Variants in TMED3 observed in about 807,000 individuals in gnomAD.
TMED3 encodes transmembrane p24 trafficking protein 3, also known as transmembrane emp24 domain-containing protein 3.
Under a neutral mutation model 15.0 loss-of-function variants are expected in TMED3, and 9 were observed. The observed-to-expected ratio is 0.60, with a 90% CI of 0.36 to 1.04. TMED3 has a LOEUF of 1.04. Among genes scored for constraint, TMED3 ranks in the 50% least tolerant of loss-of-function variants. TMED3 has a pLI of 0.01. For synonymous variants in TMED3, 117 were observed against 121.4 expected (o/e 0.96, Z 0.24); for missense variants, 267 against 278.9 (o/e 0.96, Z 0.30).
At chr15:79,404,646 A>G (rs764453289) in intron 2 of TMED3, among the ~76,000 whole-genome samples, 2 of 152,120 alleles carry the variant, frequency 1.3e-5, no homozygotes, top group East Asian at 3.9e-4. Context: ...TGATCTCCCA[A>G]TCTTACTCCT....
chr15:79,407,338 C>G (rs1170730444), intron 2 of TMED3, among the ~76,000 whole-genome samples: 1 of 152,194 alleles, frequency 6.6e-6, no homozygotes, highest in Non-Finnish European at 1.5e-5. Flanking sequence ...TCCTTGTCAC[C>G]TTTCCCTGCC....
chr15:79,363,503 C>CAAAAAAAAAAAAAAAAAAAAAAA, intron 2 of TMED3, among the ~76,000 whole-genome samples: 1 of 125,334 alleles, frequency 8.0e-6, no homozygotes, highest in Non-Finnish European at 1.7e-5. Context: ...TACAATGACT[C>CAAAAAAAAAAAAAAAAAAAAAAA]AAAAAAAAAA....
chr15:79,358,149 A>G (rs998601312), intron 2 of TMED3, among the ~76,000 whole-genome samples: 1 of 152,234 alleles, frequency 6.6e-6, no homozygotes, highest in Non-Finnish European at 1.5e-5. Flanking sequence ...GTTGTCTTCC[A>G]TCAGAGGCCC....
chr15:79,405,572 T>C (rs1323315066), intron 2 of TMED3, among the ~76,000 whole-genome samples: 1 of 152,182 alleles, frequency 6.6e-6, no homozygotes, highest in African/African-American at 2.4e-5. Context: ...CAGCAACCAA[T>C]CTTACAGGGA....
Position 79,311,390 on chromosome 15 carries a change from G to T in TMED3, c.141G>T (p.Gln47His), listed in dbSNP as rs773225827. Residue 47 changes from glutamine to histidine, a missense_variant, in exon 1 of 3, where the codon CAG becomes CAT. This residue lies in a region of TMED3 where 69 missense variants were observed against 106.8 expected (regional missense o/e 0.65). Transcript: ENST00000299705. The stretch of plus-strand genomic sequence containing the variant: ...AGTGCTTCCACGAGGAGGTGGAGCA[G>T]GGCGTGAAGTTCTCCCTGGATTACC... ...AKQCFHEEVE[Q>H]GVKFSLDYQV... 6.2e-7 allele frequency: 1 copy of T among 1,611,608 alleles called. No homozygotes were observed. Among genetic ancestry groups the T allele is most frequent in the African/African-American group, 1.3e-5 (1 of 74,866 alleles).
intron 2 of TMED3, among the ~76,000 whole-genome samples, chr15:79,349,354 A>T (rs980466891): frequency 2.0e-5 from 3 of 152,002 alleles, no homozygotes; most frequent in Non-Finnish European, 1.5e-5. Context: ...ATTTTTTTTT[A>T]AAGTATAAGA....
At chr15:79,367,115 T>C (rs918703879) in intron 2 of TMED3, among the ~76,000 whole-genome samples, 11 of 152,202 alleles carry the variant, frequency 7.2e-5, no homozygotes, top group African/African-American at 2.7e-4. Context: ...TTTATTCTTC[T>C]TTCCGGGTGA....
At chr15:79,318,145 C>T (rs2058749114) in intron 2 of TMED3, among the ~76,000 whole-genome samples, 1 of 152,190 alleles carries the variant, frequency 6.6e-6, no homozygotes, top group South Asian at 2.1e-4. Context: ...GCCCATCCAT[C>T]AGGGCTCAGC....
rs553298624 is a variant in TMED3 at position 79,372,535 on chromosome 15, C to T, written c.418-38865C>T. Among the ~76,000 whole-genome samples the T allele has an allele frequency of 2.0e-5, 3 of 152,298 alleles. No homozygotes were observed. The East Asian group carries it at 5.8e-4, about 29-fold the overall frequency. On this transcript the variant is annotated intron_variant, in intron 2 of 2. Transcript: ENST00000424155. Reference sequence around the variant, plus strand: ...GGCTGGGGAGTCCTCAAAATCATGGCCGGAGGCAAAGGAAGAACAAAGGCA... The same window carrying T: ...GGCTGGGGAGTCCTCAAAATCATGGTCGGAGGCAAAGGAAGAACAAAGGCA...
intron 2 of TMED3, among the ~76,000 whole-genome samples, chr15:79,318,766 C>T (rs749050238): frequency 5.9e-5 from 9 of 152,182 alleles, no homozygotes; most frequent in East Asian, 1.9e-4. Flanking sequence ...AAGCATTCCC[C>T]GGAGAGCTAG....
At chr15:79,360,349 G>C (rs1893099638) in intron 2 of TMED3, among the ~76,000 whole-genome samples, 1 of 152,164 alleles carries the variant, frequency 6.6e-6, no homozygotes, top group Admixed American at 6.5e-5. Context: ...GGATAGACTT[G>C]GTCATGCCAT....
intron 2 of TMED3, among the ~76,000 whole-genome samples, chr15:79,379,055 AAAG>A: frequency 6.6e-6 from 1 of 152,368 alleles, no homozygotes; most frequent in South Asian, 2.1e-4. Flanking sequence ...TCCCATTCAT[AAAG>A]TGATTTCTTA....
chr15:79,371,169 A>T (rs1211894404), intron 2 of TMED3, among the ~76,000 whole-genome samples: 1 of 152,220 alleles, frequency 6.6e-6, no homozygotes, highest in Non-Finnish European at 1.5e-5. Context: ...ATACACAAAG[A>T]TGTGTATTCT....
chr15:79,383,314 C>T (rs1022515463), intron 2 of TMED3: 9 of 383,370 alleles, frequency 2.3e-5, no homozygotes, highest in African/African-American at 1.4e-4. Context: ...ATCCTTTGTG[C>T]CCTTAGATGG....
At chr15:79,339,098 G>A (rs545462569) in intron 2 of TMED3, among the ~76,000 whole-genome samples, 1 of 152,266 alleles carries the variant, frequency 6.6e-6, no homozygotes, top group South Asian at 2.1e-4. Context: ...CTTCTAGATA[G>A]CAGTAACAAA....
intron 2 of TMED3, among the ~76,000 whole-genome samples, chr15:79,353,217 TATTATACATAATATATAA>T (rs2058901870): frequency 2.2e-5 from 2 of 91,748 alleles, no homozygotes; most frequent in Non-Finnish European, 3.9e-5. Context: ...ATATTATATA[TATTATACATAATATATAA>T]AATATATATA....
At chr15:79,332,178 A>G (rs2058811873) in intron 2 of TMED3, among the ~76,000 whole-genome samples, 1 of 152,272 alleles carries the variant, frequency 6.6e-6, no homozygotes, top group Non-Finnish European at 1.5e-5. Flanking sequence ...AAACTATCGT[A>G]CTGAACAGGA....
At chr15:79,358,243 AC>A (rs2141238899) in intron 2 of TMED3, among the ~76,000 whole-genome samples, 1 of 152,324 alleles carries the variant, frequency 6.6e-6, no homozygotes, top group African/African-American at 2.4e-5. Context: ...CTGTCTCACA[AC>A]CCTGTGAACA....
chr15:79,317,321 T>C (rs1257797093), intron 2 of TMED3, among the ~76,000 whole-genome samples: 1 of 152,258 alleles, frequency 6.6e-6, no homozygotes, highest in African/African-American at 2.4e-5. Flanking sequence ...CTGTGATTTC[T>C]GTGTCCTCCC....
Sources: gnomAD v4.1 joint callset for allele counts (sites outside exome capture counted in the v4.1 genomes callset) on GRCh38, gnomAD v4.1.1 for gene constraint, gnomAD v4.1.1 regional missense constraint, MANE v1.5 for transcripts, NCBI Gene and HGNC (gene_info 2026-07-23, HGNC 2026-07-21) for gene names.